The following MAP3K5 variants were observed in gnomAD, a reference collection of about 807,000 sequenced individuals.
MAP3K5 encodes mitogen-activated protein kinase kinase kinase 5.
In MAP3K5, 56 loss-of-function variants were observed where a neutral mutation model predicts 158.7. That is an observed-to-expected ratio of 0.35 (90% CI 0.28 to 0.44). The LOEUF (loss-of-function observed/expected upper bound fraction) is 0.44, where lower values mean the gene tolerates loss of function less well. Among genes scored for constraint, MAP3K5 ranks in the 20% least tolerant of loss-of-function variants. The pLI is 1.00. For missense variants in MAP3K5, 1,294 were observed against 1,674.8 expected, an observed-to-expected ratio of 0.77 and a Z score of 3.97; for synonymous variants, 579 against 601.7, an observed-to-expected ratio of 0.96 and a Z score of 0.55.
intron 1 of MAP3K5, among the ~76,000 whole-genome samples, chr6:136,759,467 T>TATATATATATATATATATATAC (rs1413718493): frequency 7.1e-6 from 1 of 141,524 alleles, no homozygotes; most frequent in African/African-American, 2.6e-5. Context: ...TATATATATA[T>TATATATATATATATATATATAC]ATATATATAT....
At chr6:136,595,061 G>A (rs1249115796) in intron 21 of MAP3K5, among the ~76,000 whole-genome samples, 2 of 152,126 alleles carry the variant, frequency 1.3e-5, no homozygotes, top group Non-Finnish European at 2.9e-5. Context: ...AGGAAATAAA[G>A]GGACTTACAG....
chr6:136,612,004 G>A (rs901312560), intron 17 of MAP3K5, among the ~76,000 whole-genome samples: 1 of 152,050 alleles, frequency 6.6e-6, no homozygotes, highest in African/African-American at 2.4e-5. Context: ...GCATCACCCA[G>A]ACCTGTGACT....
At chr6:136,652,776 G>C (rs1366346584) in intron 10 of MAP3K5, among the ~76,000 whole-genome samples, 1 of 152,182 alleles carries the variant, frequency 6.6e-6, no homozygotes, top group Non-Finnish European at 1.5e-5. Context: ...TCCCTAACTT[G>C]AGACAGGAAA....
intron 7 of MAP3K5, among the ~76,000 whole-genome samples, chr6:136,670,481 CA>C (rs11353889): frequency 0.19 from 28,981 of 149,324 alleles, 3,772 homozygotes; most frequent in African/African-American, 0.36. Flanking sequence ...TTGATGACAC[CA>C]AAAAAAAAGG....
Position 136,714,007 on chromosome 6 carries a change from A to G in MAP3K5, c.588+6443T>C, listed in dbSNP as rs377666579. 2.2e-4 allele frequency among the ~76,000 whole-genome samples: 33 copies of G among 152,376 alleles called. 1 individual carries two copies. Among genetic ancestry groups the G allele is most frequent in the Admixed American group, 9.1e-4 (14 of 15,304 alleles). ...ATTTTTAAAATGCTGAAAAGAATCC[A>G]GCAAAAATTCTTTGTTAAACTAAAA... On this transcript the variant is annotated intron_variant, in intron 2 of 29. Transcript: ENST00000359015.
At chr6:136,627,532 T>C (rs1302387067) in intron 14 of MAP3K5, among the ~76,000 whole-genome samples, 1 of 152,178 alleles carries the variant, frequency 6.6e-6, no homozygotes, top group Non-Finnish European at 1.5e-5. Context: ...AATCTGTATG[T>C]TGAAACCGAA....
rs546702329 is a variant in MAP3K5, at chr6:136,730,583, G to A, written c.449-9994C>T. On this transcript the variant is annotated intron_variant, in intron 1 of 29. Transcript: ENST00000359015. ...AAAAACACAAAAAAATTAGCCAGGCGTGGTGGCAGATGCCTGTAGTCCCAG... is the reference window on the plus strand; with the variant it reads ...AAAAACACAAAAAAATTAGCCAGGCATGGTGGCAGATGCCTGTAGTCCCAG... Among the ~76,000 whole-genome samples, 5 of 151,992 alleles carry A rather than the reference G, an allele frequency of 3.3e-5. 1 individual carries two copies. The highest frequency in any genetic ancestry group is 1.2e-4 in the African/African-American group (5 of 41,464).
At position 136,737,653 on chromosome 6, in the gene MAP3K5, C is replaced by A. The variant is rs537717742; in HGVS notation, c.449-17064G>T. The stretch of plus-strand genomic sequence containing the variant: ...CATAGCACCATGGAATTAAGAACTC[C>A]CTTTACTCTGTTCTCCCACATGTTG... On this transcript the variant is annotated intron_variant, in intron 1 of 29. Coordinates refer to ENST00000359015, the MANE Select transcript of MAP3K5 (RefSeq NM_005923.4). 4.6e-5 allele frequency among the ~76,000 whole-genome samples: 7 copies of A among 152,310 alleles called. No individual in the cohort carries two copies. In the South Asian group the frequency reaches 1.4e-3, roughly 32 times the overall value.
chr6:136,576,456 C>A (rs1049392173), intron 25 of MAP3K5, among the ~76,000 whole-genome samples: 1 of 152,070 alleles, frequency 6.6e-6, no homozygotes, highest in Non-Finnish European at 1.5e-5. Flanking sequence ...TGGGCATGCA[C>A]CACTATGTCT....
At chr6:136,557,916 C>A in intron 29 of MAP3K5, 98 bp from the exon 30 acceptor site, 1 of 813,068 alleles carries the variant, frequency 1.2e-6, no homozygotes, top group South Asian at 1.4e-5. Flanking sequence ...CTGCTCTGGT[C>A]AGAAGAAGAT....
At chr6:136,584,956 G>T (rs1278695221) in intron 23 of MAP3K5, among the ~76,000 whole-genome samples, 3 of 151,936 alleles carry the variant, frequency 2.0e-5, no homozygotes, top group African/African-American at 7.3e-5. Flanking sequence ...AACCAAGAGG[G>T]GCTGATCTCA....
intron 7 of MAP3K5, among the ~76,000 whole-genome samples, chr6:136,683,721 G>A (rs1015844514): frequency 6.6e-6 from 1 of 152,038 alleles, no homozygotes; most frequent in African/African-American, 2.4e-5. Context: ...TGTAAACACT[G>A]ATCCCTTGTG....
intron 14 of MAP3K5, among the ~76,000 whole-genome samples, chr6:136,633,851 A>G (rs569883869): frequency 6.6e-6 from 1 of 152,328 alleles, no homozygotes; most frequent in South Asian, 2.1e-4. Flanking sequence ...GGCCTTTCCA[A>G]CATTTTTATT....
chr6:136,748,406 A>C (rs1241718181), intron 1 of MAP3K5, among the ~76,000 whole-genome samples: 1 of 152,192 alleles, frequency 6.6e-6, no homozygotes, highest in Admixed American at 6.5e-5. Flanking sequence ...TGATTGCAAA[A>C]ATTCAAAAAA....
chr6:136,579,754 G>C, intron 25 of MAP3K5: 2 of 453,768 alleles, frequency 4.4e-6, no homozygotes, highest in South Asian at 1.6e-5. Context: ...CAAAATCTCT[G>C]TATCTTCCAC....
At chr6:136,559,267 G>C (rs577489958) in intron 28 of MAP3K5, among the ~76,000 whole-genome samples, 1 of 152,194 alleles carries the variant, frequency 6.6e-6, no homozygotes. Context: ...CAGGAGAATC[G>C]CTTGAACCCG....
chr6:136,695,713 G>A (rs1780575097), intron 6 of MAP3K5, among the ~76,000 whole-genome samples: 1 of 152,012 alleles, frequency 6.6e-6, no homozygotes, highest in South Asian at 2.1e-4. Flanking sequence ...TGACAGAGCA[G>A]AAAACCTGTA....
At chr6:136,686,543 T>C (rs1780157473) in intron 7 of MAP3K5, among the ~76,000 whole-genome samples, 1 of 152,060 alleles carries the variant, frequency 6.6e-6, no homozygotes, top group South Asian at 2.1e-4. Context: ...CAGCCCAAAA[T>C]CTCCTTAAGC....
chr6:136,733,869 A>G (rs1782336280), intron 1 of MAP3K5, among the ~76,000 whole-genome samples: 1 of 152,036 alleles, frequency 6.6e-6, no homozygotes. Context: ...GGTTTAGATA[A>G]ATTTATCATG....
Sources: allele counts gnomAD v4.1 joint callset (sites outside exome capture counted in the v4.1 genomes callset), GRCh38; gene constraint gnomAD v4.1.1; transcripts MANE v1.5; gene names NCBI Gene and HGNC (gene_info 2026-07-23, HGNC 2026-07-21).